DMRT1: variants seen among roughly 807,000 people sequenced by gnomAD.
The protein encoded by DMRT1 is doublesex- and mab-3-related transcription factor 1.
A neutral mutation model predicts 32.3 loss-of-function variants in DMRT1; 7 were observed. That is an observed-to-expected ratio of 0.22 (90% CI 0.12 to 0.41). DMRT1 has a LOEUF of 0.41. Among genes scored for constraint, DMRT1 ranks in the 10% least tolerant of loss-of-function variants. The pLI is 1.00. For missense variants in DMRT1, 625 were observed against 500.5 expected (o/e 1.25, Z -2.37); for synonymous variants, 278 against 206.1 (o/e 1.35, Z -2.99).
At chr9:850,063 C>T (rs932809548) in intron 2 of DMRT1, among the ~76,000 whole-genome samples, 1 of 152,220 alleles carries the variant, frequency 6.6e-6, no homozygotes, top group Admixed American at 6.5e-5. Flanking sequence ...AGGTGATCTG[C>T]ATGCCTCAGC....
chr9:912,703 G>A lies in DMRT1; in HGVS notation c.823-4060G>A, dbSNP rs370380954. Reference sequence around the variant, plus strand: ...GATTTAGCCTGTTTTAGTTAATATAGGGGATTGTTGGGATCTCGTACTTCC... The same window carrying A: ...GATTTAGCCTGTTTTAGTTAATATAAGGGATTGTTGGGATCTCGTACTTCC... On this transcript the variant is annotated intron_variant, in intron 3 of 4. Coordinates refer to ENST00000382276, the MANE Select transcript of DMRT1 (RefSeq NM_021951.3). Among the ~76,000 whole-genome samples, 5 of 152,046 alleles carry A rather than the reference G, an allele frequency of 3.3e-5. No homozygotes were observed. In the East Asian group the frequency reaches 9.6e-4, roughly 29 times the overall value.
chr9:922,908 C>T (rs143077246), intron 4 of DMRT1, among the ~76,000 whole-genome samples: 204 of 151,764 alleles, frequency 1.3e-3, no homozygotes, highest in Admixed American at 3.3e-3. Flanking sequence ...AGATGGCCAC[C>T]GTCAGTGATG....
At chr9:848,391 C>T (rs1214682056) in intron 2 of DMRT1, among the ~76,000 whole-genome samples, 1 of 151,940 alleles carries the variant, frequency 6.6e-6, no homozygotes, top group Non-Finnish European at 1.5e-5. Context: ...AGTTAAGCAC[C>T]AAAGAAAGCA....
intron 2 of DMRT1, among the ~76,000 whole-genome samples, chr9:854,914 C>T (rs1053481626): frequency 2.0e-5 from 3 of 149,984 alleles, no homozygotes; most frequent in Admixed American, 6.7e-5. Flanking sequence ...TACAGGCGCC[C>T]GCCGCCACGC....
intron 4 of DMRT1, among the ~76,000 whole-genome samples, chr9:933,055 G>A (rs1372852307): frequency 6.6e-6 from 1 of 152,028 alleles, no homozygotes; most frequent in Non-Finnish European, 1.5e-5. Context: ...TGGGATTACA[G>A]GTGCACACCA....
At chr9:950,999 A>T (rs1400310518) in intron 4 of DMRT1, among the ~76,000 whole-genome samples, 2 of 152,226 alleles carry the variant, frequency 1.3e-5, no homozygotes, top group East Asian at 3.8e-4. Flanking sequence ...TACCAGGCAT[A>T]TTAGTTAGCT....
chr9:897,458 G>A (rs888335385), intron 3 of DMRT1, among the ~76,000 whole-genome samples: 1 of 151,892 alleles, frequency 6.6e-6, no homozygotes, highest in Non-Finnish European at 1.5e-5. Context: ...GAATTGAGAG[G>A]TAATATACGT....
At chr9:879,744 C>T (rs556747799) in intron 2 of DMRT1, among the ~76,000 whole-genome samples, 100 of 152,202 alleles carry the variant, frequency 6.6e-4, no homozygotes, top group Non-Finnish European at 1.2e-3. Context: ...CAGACTAGAT[C>T]TGCTGGTGCG....
chr9:930,676 G>A (rs1818693091), intron 4 of DMRT1, among the ~76,000 whole-genome samples: 1 of 152,016 alleles, frequency 6.6e-6, no homozygotes, highest in South Asian at 2.1e-4. Flanking sequence ...CCAAAGTGCT[G>A]GGATTACAGA....
At chr9:929,109 G>C (rs1283802913) in intron 4 of DMRT1, among the ~76,000 whole-genome samples, 1 of 152,060 alleles carries the variant, frequency 6.6e-6, no homozygotes, top group East Asian at 1.9e-4. Context: ...AAAGTGTTAG[G>C]ATTACAGGCA....
At chr9:924,802 C>G (rs1472585113) in intron 4 of DMRT1, among the ~76,000 whole-genome samples, 3 of 152,162 alleles carry the variant, frequency 2.0e-5, no homozygotes, top group African/African-American at 7.2e-5. Flanking sequence ...ATGTGAAGAA[C>G]ACCAGCAGGT....
chr9:874,801 C>CTTTTTTTTT (rs71327354), intron 2 of DMRT1, among the ~76,000 whole-genome samples: 3 of 76,948 alleles, frequency 3.9e-5, no homozygotes, highest in Non-Finnish European at 6.7e-5. Flanking sequence ...ACAAGTTAAT[C>CTTTTTTTTT]TTTTTTTTTT....
chr9:866,755 C>T (rs1816010470), intron 2 of DMRT1, among the ~76,000 whole-genome samples: 1 of 152,176 alleles, frequency 6.6e-6, no homozygotes, highest in African/African-American at 2.4e-5. Context: ...CTTCCCACCC[C>T]AGGAGCTGCT....
chr9:918,764 G>A (rs568205197), intron 4 of DMRT1, among the ~76,000 whole-genome samples: 2 of 152,294 alleles, frequency 1.3e-5, no homozygotes, highest in Admixed American at 1.3e-4. Flanking sequence ...AATTATCTTC[G>A]AGAAGGAGTG....
chr9:969,039 G>T lies in DMRT1; in HGVS notation c.*900G>T, dbSNP rs1294430745. ...TGAAACTAGTCTAAAAAAATTCATT[G>T]TTCTACTTAGTTGCAGCTGTACCTG... On this transcript the variant is annotated 3_prime_UTR_variant, in exon 5 of 5. Transcript: ENST00000382276. 3 of 152,586 alleles carry T rather than the reference G, an allele frequency of 2.0e-5. No individual in the cohort carries two copies. Among genetic ancestry groups the T allele is most frequent in the African/African-American group, 4.8e-5 (2 of 41,444 alleles). The allele number at this position is 152,586 out of a possible 1,614,324, so 9.5% of individuals were successfully genotyped here.
chr9:945,612 G>T (rs1333815958), intron 4 of DMRT1, among the ~76,000 whole-genome samples: 2 of 151,956 alleles, frequency 1.3e-5, no homozygotes, highest in African/African-American at 2.4e-5. Context: ...TGGAAAACTG[G>T]TTTTTCAGAA....
At chr9:894,344 G>T in intron 3 of DMRT1, 149 bp downstream of exon 3, 1 of 858,794 alleles carries the variant, frequency 1.2e-6, no homozygotes, top group Non-Finnish European at 1.9e-6. Flanking sequence ...ACATATGTGT[G>T]TGTGCCATTT....
chr9:968,002 A>G lies in DMRT1; in HGVS notation c.985A>G (p.Ser329Gly), dbSNP rs997517883. The G allele has an allele frequency of 2.5e-6, 4 of 1,613,928 alleles. No homozygotes were observed. Among genetic ancestry groups the G allele is most frequent in the Non-Finnish European group, 3.4e-6 (4 of 1,180,022 alleles). The change falls in exon 5 of 5, where the codon AGT (serine) becomes GGT (glycine). Residue 329 changes from serine (S) to glycine (G), a missense_variant. Physicochemically the swap from Ser to Gly is moderately conservative, Grantham distance 56 (BLOSUM62 0). This residue lies in a region of DMRT1 where 416 missense variants were observed against 321.6 expected (regional missense o/e 1.29). Coordinates refer to ENST00000382276, the MANE Select transcript of DMRT1 (RefSeq NM_021951.3). ...CTTCGCAGTATTCTCGCCGCCCAGCAGTCAAGATTCTGGCTTGGTTTCCCT... is the reference window on the plus strand; with the variant it reads ...CTTCGCAGTATTCTCGCCGCCCAGCGGTCAAGATTCTGGCTTGGTTTCCCT... Reference protein sequence around the residue: ...ARASVFSPPSSQDSGLVSLSS... With the variant: ...ARASVFSPPSGQDSGLVSLSS...
chr9:890,823 T>C (rs1586574147), intron 2 of DMRT1, among the ~76,000 whole-genome samples: 2 of 152,166 alleles, frequency 1.3e-5, no homozygotes, highest in South Asian at 4.1e-4. Context: ...CAAGCAATTC[T>C]CCTGCCTCAT....
Sources: gnomAD v4.1 joint callset for allele counts (sites outside exome capture counted in the v4.1 genomes callset) on GRCh38, gnomAD v4.1.1 for gene constraint, gnomAD v4.1.1 regional missense constraint, MANE v1.5 for transcripts, NCBI Gene and HGNC (gene_info 2026-07-23, HGNC 2026-07-21) for gene names.